The following PTPRD variants were observed in gnomAD, a reference collection of about 807,000 sequenced individuals.
PTPRD encodes the protein protein tyrosine phosphatase receptor type D, also known as receptor-type tyrosine-protein phosphatase delta.
A neutral mutation model predicts 214.5 loss-of-function variants in PTPRD; 34 were observed. The ratio of observed to expected loss-of-function variants is 0.16; its 90% CI spans 0.12 to 0.21. The LOEUF is 0.21. Ranked by LOEUF, PTPRD falls within the 10% of genes least tolerant of loss-of-function variation. The probability of loss-of-function intolerance (pLI) is 1.00; values close to 1 mark genes in which losing one functional copy is unlikely to be tolerated. For synonymous variants in PTPRD, 1,128 were observed against 845.7 expected (o/e 1.33, Z -5.79); for missense variants, 2,545 against 2,398.7 (o/e 1.06, Z -1.27).
intron 7 of PTPRD, among the ~76,000 whole-genome samples, chr9:9,579,759 T>A (rs1414803426): frequency 6.6e-6 from 1 of 152,170 alleles, no homozygotes; most frequent in African/African-American, 2.4e-5. Flanking sequence ...TATGCATATA[T>A]CACATAGTGG....
At chr9:9,235,463 C>G (rs1033185432) in intron 9 of PTPRD, among the ~76,000 whole-genome samples, 1 of 152,166 alleles carries the variant, frequency 6.6e-6, no homozygotes, top group African/African-American at 2.4e-5. Flanking sequence ...ATAAAGTGGA[C>G]AGTTTTTCTT....
chr9:8,591,845 A>ACGGAATAG (rs2094130675), intron 14 of PTPRD, among the ~76,000 whole-genome samples: 2 of 152,278 alleles, frequency 1.3e-5, no homozygotes, highest in South Asian at 2.1e-4. Flanking sequence ...AAACCTTCTA[A>ACGGAATAG]CGGAATAGCC....
At position 8,860,017 on chromosome 9, in the gene PTPRD, G is replaced by C. The variant is rs1207313620; in HGVS notation, c.-103-126071C>G. 5 of 152,202 alleles carry C rather than the reference G, an allele frequency of 3.3e-5. No homozygotes were observed. The East Asian group carries it at 7.7e-4, about 24-fold the overall frequency. The allele number at this position is 152,202 out of a possible 1,614,324, so 9.4% of individuals were successfully genotyped here. ...CCCCTGTGACCTAAGGATGGATCCAGAAATCTCAGCCTCCCCATAGGTGAT... is the reference window on the plus strand; with the variant it reads ...CCCCTGTGACCTAAGGATGGATCCACAAATCTCAGCCTCCCCATAGGTGAT... On this transcript the variant is annotated intron_variant, in intron 11 of 45. Transcript: ENST00000381196.
intron 3 of PTPRD, among the ~76,000 whole-genome samples, chr9:10,231,246 A>G (rs2099608460): frequency 6.6e-6 from 1 of 151,996 alleles, no homozygotes; most frequent in African/African-American, 2.4e-5. Context: ...TATATGAAAT[A>G]ATGAAAAAGA....
rs373194856 is a variant in PTPRD at position 8,544,164 on chromosome 9, C to CTTTTTTTT, written c.353-15393_353-15386dup. ...GTGCAAAAGTAAGGTTTTGCCATTACTTTTTTTTTTTTTTTTTTTTTGAGA... is the reference window on the plus strand; with the variant it reads ...GTGCAAAAGTAAGGTTTTGCCATTACTTTTTTTTTTTTTTTTTTTTTTTTTTTTTGAGA... On this transcript the variant is annotated intron_variant, in intron 14 of 45. Transcript: ENST00000381196. 1.8e-3 allele frequency among the ~76,000 whole-genome samples: 205 copies of CTTTTTTTT among 111,100 alleles called. 5 individuals are homozygous for CTTTTTTTT. Among genetic ancestry groups the CTTTTTTTT allele is most frequent in the Middle Eastern group, 9.3e-3 (2 of 216 alleles). 72.9% of individuals were successfully genotyped at this position (111,100 alleles called of 152,430 possible).
chr9:8,792,339 C>G (rs1330706297), intron 11 of PTPRD, among the ~76,000 whole-genome samples: 1 of 152,176 alleles, frequency 6.6e-6, no homozygotes, highest in Non-Finnish European at 1.5e-5. Context: ...AGTTCCAGAA[C>G]ATACGCATTA....
chr9:8,376,855 A>C, intron 37 of PTPRD, 129 bp from the exon 38 acceptor site: 1 of 1,247,628 alleles, frequency 8.0e-7, no homozygotes, highest in East Asian at 2.4e-5. Context: ...TCTGGCATGC[A>C]TTTTTGTTAT....
intron 12 of PTPRD, among the ~76,000 whole-genome samples, chr9:8,726,951 G>A (rs1184080453): frequency 6.6e-6 from 1 of 151,816 alleles, no homozygotes; most frequent in Non-Finnish European, 1.5e-5. Context: ...TCCAGCCTGG[G>A]CAGCAGAGCC....
intron 9 of PTPRD, among the ~76,000 whole-genome samples, chr9:9,298,022 G>A (rs1038183956): frequency 5.3e-5 from 8 of 151,698 alleles, no homozygotes; most frequent in Non-Finnish European, 7.4e-5. Flanking sequence ...TAGGGAATAT[G>A]ATTAAATAAA....
intron 9 of PTPRD, among the ~76,000 whole-genome samples, chr9:9,350,416 T>C (rs2050665596): frequency 1.3e-5 from 2 of 152,078 alleles, no homozygotes; most frequent in Non-Finnish European, 2.9e-5. Flanking sequence ...TGCCATACCC[T>C]TTTGTACTGT....
chr9:9,880,419 T>G (rs1451026405), intron 5 of PTPRD, among the ~76,000 whole-genome samples: 2 of 152,224 alleles, frequency 1.3e-5, no homozygotes, highest in Non-Finnish European at 2.9e-5. Context: ...ACTCCTCAGA[T>G]GTTATTTACT....
intron 11 of PTPRD, among the ~76,000 whole-genome samples, chr9:9,003,282 G>T (rs7040386): frequency 0.47 from 72,052 of 151,722 alleles, 19,070 homozygotes; most frequent in Non-Finnish European, 0.58. Context: ...TGTTCTATGA[G>T]CAACTAAGAC....
chr9:8,603,519 C>A (rs534864663), intron 14 of PTPRD, among the ~76,000 whole-genome samples: 1 of 152,060 alleles, frequency 6.6e-6, no homozygotes, highest in African/African-American at 2.4e-5. Flanking sequence ...TTTCCTATAA[C>A]GTGAATAAAA....
At chr9:8,401,927 G>A (rs1469190036) in intron 36 of PTPRD, among the ~76,000 whole-genome samples, 1 of 152,118 alleles carries the variant, frequency 6.6e-6, no homozygotes, top group Non-Finnish European at 1.5e-5. Flanking sequence ...TATAAATTGT[G>A]CATGAAGTCA....
chr9:9,442,017 AC>A (rs1206684124), intron 8 of PTPRD: 1 of 152,272 alleles, frequency 6.6e-6, no homozygotes, highest in African/African-American at 2.4e-5. Context: ...GAGCTTGAAA[AC>A]AAAAATCTGT....
chr9:9,955,215 A>G (rs940600080), intron 4 of PTPRD, among the ~76,000 whole-genome samples: 2 of 152,222 alleles, frequency 1.3e-5, no homozygotes, highest in Non-Finnish European at 2.9e-5. Flanking sequence ...GGAGCATGAA[A>G]TTGATAAAGA....
chr9:10,189,393 C>A (rs2099352641), intron 3 of PTPRD, among the ~76,000 whole-genome samples: 1 of 152,124 alleles, frequency 6.6e-6, no homozygotes, highest in African/African-American at 2.4e-5. Flanking sequence ...TTACACGGGG[C>A]TATCAGAGTA....
rs1567101747 is a variant in PTPRD at position 8,934,510 on chromosome 9, T to TATATAAATAA, written c.-104+84186_-104+84187insTTATTTATAT. Among the ~76,000 whole-genome samples, 9 of 42,378 alleles carry TATATAAATAA rather than the reference T, an allele frequency of 2.1e-4. 1 individual carries two copies. The highest frequency in any genetic ancestry group is 9.9e-4 in the African/African-American group (9 of 9,050). 27.8% of individuals were successfully genotyped at this position (42,378 alleles called of 152,430 possible). The stretch of plus-strand genomic sequence containing the variant: ...ATATATATAAATATATATATAAATA[T>TATATAAATAA]ATATATATAAATATATATATATATG... On this transcript the variant is annotated intron_variant, in intron 11 of 45. Coordinates refer to ENST00000381196, the MANE Select transcript of PTPRD (RefSeq NM_002839.4).
intron 9 of PTPRD, among the ~76,000 whole-genome samples, chr9:9,320,790 A>G (rs1966087352): frequency 6.6e-6 from 1 of 152,142 alleles, no homozygotes; most frequent in South Asian, 2.1e-4. Flanking sequence ...CTTTTATGAT[A>G]CCTCTACATA....
Sources: gnomAD v4.1 joint callset for allele counts (sites outside exome capture counted in the v4.1 genomes callset) on GRCh38, gnomAD v4.1.1 for gene constraint, MANE v1.5 for transcripts, NCBI Gene and HGNC (gene_info 2026-07-23, HGNC 2026-07-21) for gene names.